The following PCNX2 variants were observed in gnomAD, a reference collection of about 807,000 sequenced individuals.
PCNX2 encodes pecanex-like protein 2.
In PCNX2, 168 loss-of-function variants were observed where a neutral mutation model predicts 223.8. The ratio of observed to expected loss-of-function variants is 0.75; its 90% CI spans 0.66 to 0.85. The LOEUF (loss-of-function observed/expected upper bound fraction) is 0.85. Among genes scored for constraint, PCNX2 ranks in the 40% least tolerant of loss-of-function variants. The pLI is 0.00. For missense variants in PCNX2, 2,507 were observed against 2,675.5 expected (o/e 0.94, Z 1.39); for synonymous variants, 1,006 against 1,052.6 (o/e 0.96, Z 0.86).
intron 9 of PCNX2, among the ~76,000 whole-genome samples, chr1:233,235,357 C>T (rs1355029461): frequency 1.3e-5 from 2 of 152,146 alleles, no homozygotes; most frequent in Non-Finnish European, 2.9e-5. Context: ...ACAGTCATAG[C>T]TCACTGCAGC....
intron 25 of PCNX2, among the ~76,000 whole-genome samples, chr1:233,053,208 C>T (rs1175340033): frequency 6.6e-6 from 1 of 151,938 alleles, no homozygotes; most frequent in Non-Finnish European, 1.5e-5. Context: ...TTCCAGCTGC[C>T]TCATGTCAAG....
intron 1 of PCNX2, chr1:233,284,914 T>TG (rs911013197): frequency 7.3e-6 from 7 of 953,254 alleles, no homozygotes; most frequent in African/African-American, 1.8e-5. Flanking sequence ...TCCAGGGTCA[T>TG]GGGGGGGATG....
chr1:233,284,415 T>C (rs925572154), intron 1 of PCNX2, among the ~76,000 whole-genome samples: 11 of 152,084 alleles, frequency 7.2e-5, no homozygotes, highest in Admixed American at 6.6e-4. Flanking sequence ...TCCTCCTCTA[T>C]TCACCTTTGC....
chr1:233,304,750 C>A, the PCNX2 span, among the ~76,000 whole-genome samples: 48 of 152,220 alleles, frequency 3.2e-4, no homozygotes, highest in African/African-American at 1.1e-3. Context: ...TATTGCAAAG[C>A]AAGGAAGGAT....
intron 23 of PCNX2, among the ~76,000 whole-genome samples, chr1:233,061,130 C>T (rs897386774): frequency 9.9e-5 from 15 of 152,078 alleles, no homozygotes; most frequent in Admixed American, 1.3e-4. Flanking sequence ...TACTGCTGGC[C>T]GGAGTGAGAA....
the PCNX2 span, among the ~76,000 whole-genome samples, chr1:233,323,080 C>T: frequency 3.2e-4 from 49 of 152,246 alleles, no homozygotes; most frequent in Non-Finnish European, 5.4e-4. Context: ...AATTCTAAAA[C>T]CCAAGAAGCT....
chr1:233,327,145 T>A, the PCNX2 span, among the ~76,000 whole-genome samples: 5 of 151,586 alleles, frequency 3.3e-5, no homozygotes, highest in South Asian at 8.4e-4. Flanking sequence ...CAACTCTCTC[T>A]CTCCCCGCCA....
intron 15 of PCNX2, among the ~76,000 whole-genome samples, chr1:233,193,313 T>A (rs1018770915): frequency 3.3e-5 from 5 of 151,962 alleles, no homozygotes; most frequent in Non-Finnish European, 7.4e-5. Flanking sequence ...AAAAATTAAA[T>A]CATATTATGT....
chr1:233,245,511 G>A (rs1466589929), intron 8 of PCNX2, among the ~76,000 whole-genome samples: 2 of 152,236 alleles, frequency 1.3e-5, no homozygotes, highest in Non-Finnish European at 2.9e-5. Flanking sequence ...GGCTGAGGGA[G>A]GAGGGCAGAG....
At chr1:233,324,022 A>C in the PCNX2 span, among the ~76,000 whole-genome samples, 4 of 152,276 alleles carry the variant, frequency 2.6e-5, no homozygotes, top group African/African-American at 9.6e-5. Context: ...AAGACAAACA[A>C]GCTTATTGCT....
At chr1:233,107,273 C>A (rs1005728452) in intron 21 of PCNX2, among the ~76,000 whole-genome samples, 1 of 152,000 alleles carries the variant, frequency 6.6e-6, no homozygotes, top group African/African-American at 2.4e-5. Context: ...AGTTTGTAGT[C>A]CCAGCTACTC....
At chr1:233,224,411 A>G (rs1012254165) in intron 10 of PCNX2, among the ~76,000 whole-genome samples, 7 of 152,258 alleles carry the variant, frequency 4.6e-5, no homozygotes, top group African/African-American at 1.4e-4. Flanking sequence ...TTTTTAAGGA[A>G]GAACAGCCTG....
chr1:233,194,844 A>T (rs1680629930), intron 15 of PCNX2, among the ~76,000 whole-genome samples: 1 of 151,904 alleles, frequency 6.6e-6, no homozygotes, highest in Non-Finnish European at 1.5e-5. Flanking sequence ...GTGAAACCCC[A>T]TCTCTACTAA....
intron 28 of PCNX2, among the ~76,000 whole-genome samples, chr1:233,002,132 T>C (rs983079589): frequency 1.3e-5 from 2 of 152,180 alleles, no homozygotes; most frequent in African/African-American, 4.8e-5. Context: ...TCTGGGGCTA[T>C]GTCATTGGAT....
In PCNX2 at chr1:233,218,287, C is replaced by T. The variant is rs552943626; in HGVS notation, c.2505-103G>A. Reference sequence around the variant, plus strand: ...TTTCTGAGATGGAATCTTGCTCTATCGCCCAGGCTGGAGTGCAGTGGCATG... The same window carrying T: ...TTTCTGAGATGGAATCTTGCTCTATTGCCCAGGCTGGAGTGCAGTGGCATG... On this transcript the variant is annotated intron_variant, in intron 10 of 33. Coordinates refer to ENST00000258229, the MANE Select transcript of PCNX2 (RefSeq NM_014801.4). The T allele has an allele frequency of 8.8e-5, 95 of 1,075,650 alleles. 2 individuals are homozygous for T. The African/African-American group carries it at 1.2e-3, about 14-fold the overall frequency. The allele number at this position is 1,075,650 out of a possible 1,614,324, so 66.6% of individuals were successfully genotyped here.
At position 233,225,136 on chromosome 1, in the gene PCNX2, AAAT is replaced by A. The variant is rs1301857104; in HGVS notation, c.2504+2087_2504+2089del. Among the ~76,000 whole-genome samples, 1,203 of 147,132 alleles carry A rather than the reference AAAT, an allele frequency of 8.2e-3. 13 individuals carry two copies. Among genetic ancestry groups the A allele is most frequent in the South Asian group, 0.03 (139 of 4,654 alleles). On this transcript the variant is annotated intron_variant, in intron 10 of 33. Coordinates refer to ENST00000258229, the MANE Select transcript of PCNX2 (RefSeq NM_014801.4). ...AAAAAAAAAAAAAAAAAAAAAAAAA[AAAT>A]GTTATGTTACCTATGAACTAACAGT... is the stretch of plus-strand genomic sequence containing the variant.
Position 232,986,434 on chromosome 1 carries a change from G to A in PCNX2, c.5898C>T (p.Phe1966=), listed in dbSNP as rs1669487217. ...CGTGCACTGAGGTGGACGTCTGGAG[G>A]AATGTTTGGCGGCTCTCTAAGATGG... ...SGPILESRQT[F]LQTSTSVHEL... Residue 1966 remains phenylalanine (F), a synonymous_variant, in exon 33 of 34, where the codon TTC becomes TTT. Coordinates refer to ENST00000258229, the MANE Select transcript of PCNX2 (RefSeq NM_014801.4). 2 of 1,607,420 alleles carry A rather than the reference G, an allele frequency of 1.2e-6. No homozygotes were observed.
At chr1:233,064,700 C>A (rs1672527119) in intron 23 of PCNX2, among the ~76,000 whole-genome samples, 1 of 152,022 alleles carries the variant, frequency 6.6e-6, no homozygotes. Context: ...TGGGAATTTT[C>A]CAACTTTATT....
At chr1:233,089,841 T>C (rs1673780760) in intron 23 of PCNX2, 1 of 1,288,986 alleles carries the variant, frequency 7.8e-7, no homozygotes, top group Non-Finnish European at 9.8e-7. Context: ...CCTGGACTAG[T>C]ATTCGTTGGC....
Sources: allele counts gnomAD v4.1 joint callset (sites outside exome capture counted in the v4.1 genomes callset), GRCh38; gene constraint gnomAD v4.1.1; transcripts MANE v1.5; gene names NCBI Gene and HGNC (gene_info 2026-07-23, HGNC 2026-07-21).